FAT3: variants seen among roughly 807,000 people sequenced by gnomAD.
FAT3 encodes FAT atypical cadherin 3.
FAT3 carries 95 observed loss-of-function variants against 310.2 expected under a neutral mutation model. The ratio of observed to expected loss-of-function variants is 0.31; its 90% confidence interval spans 0.26 to 0.36. The LOEUF is 0.36. Among genes scored for constraint, FAT3 ranks in the 10% least tolerant of loss-of-function variants. The probability of loss-of-function intolerance (pLI) is 1.00; values close to 1 mark genes in which losing one functional copy is unlikely to be tolerated. For synonymous variants in FAT3, 2,314 were observed against 2,192.9 expected, an observed-to-expected ratio of 1.06 and a Z score of -1.54; for missense variants, 5,408 against 5,715.6, an observed-to-expected ratio of 0.95 and a Z score of 1.74.
intron 3 of FAT3, among the ~76,000 whole-genome samples, chr11:92,690,333 G>C (rs1256866587): frequency 6.6e-6 from 1 of 152,146 alleles, no homozygotes; most frequent in East Asian, 1.9e-4. Context: ...GCTTCTATTA[G>C]CATCTCAGAA....
chr11:92,501,199 C>T (rs1271947012), intron 2 of FAT3, among the ~76,000 whole-genome samples: 2 of 152,018 alleles, frequency 1.3e-5, no homozygotes, highest in Non-Finnish European at 2.9e-5. Context: ...ACTAGAAAGT[C>T]TTCAGCTGGG....
In FAT3 at chr11:92,799,632, A is replaced by C. The variant is rs1180301222; in HGVS notation, c.6619A>C (p.Ser2207Arg). ...EDIRMNTPIL[S>R]INATSPEGQG... ...CATCAGAATGAACACACCCATCCTAAGCATCAATGCCACCAGTCCAGAAGG... is the reference window on the plus strand; with the variant it reads ...CATCAGAATGAACACACCCATCCTACGCATCAATGCCACCAGTCCAGAAGG... Residue 2207 changes from serine (S) to arginine (R), a missense_variant, in exon 10 of 28, where the codon AGC becomes CGC. Ser to Arg is a moderately radical substitution (Grantham distance 110, BLOSUM62 -1). Around this residue, in one of 5 missense-constraint regions of FAT3, gnomAD observed 4,588 missense variants for 4,809.8 expected, o/e 0.95. Coordinates refer to ENST00000525166, the MANE Select transcript of FAT3 (RefSeq NM_001367949.2). 6.2e-7 allele frequency: 1 copy of C among 1,613,850 alleles called. No homozygotes were observed. Among genetic ancestry groups the C allele is most frequent in the Admixed American group, 1.7e-5 (1 of 59,998 alleles).
chr11:92,610,759 C>G (rs1053840961), intron 3 of FAT3, among the ~76,000 whole-genome samples: 1 of 152,184 alleles, frequency 6.6e-6, no homozygotes, highest in Admixed American at 6.5e-5. Flanking sequence ...TCCCCTCACT[C>G]CTACAAGCTT....
chr11:92,246,953 T>C (rs992973389), intron 1 of FAT3, among the ~76,000 whole-genome samples: 10 of 152,006 alleles, frequency 6.6e-5, no homozygotes, highest in South Asian at 4.2e-4. Flanking sequence ...GAGAAAGAAA[T>C]GAAACTAAGA....
chr11:92,774,072 G>T lies in FAT3; in HGVS notation c.4227G>T (p.Glu1409Asp). 1 of 1,613,560 alleles carries T rather than the reference G, an allele frequency of 6.2e-7. No homozygotes were observed. Among genetic ancestry groups the T allele is most frequent in the Middle Eastern group, 1.7e-4 (1 of 6,056 alleles). Residue 1409 changes from glutamate to aspartate, a missense_variant, in exon 7 of 28, where the codon GAG (glutamate) becomes GAT (aspartate). By Grantham distance (45) the Glu-to-Asp change is conservative. This residue lies in a region of FAT3 where 4,588 missense variants were observed against 4,809.8 expected (regional missense o/e 0.95). Transcript: ENST00000525166. The part of the protein sequence containing the change: ...GGNFDSAFDA[E>D]KGVGTIVIAK... ...ATTTTGACAGCGCTTTTGATGCAGA[G>T]AAGGGTGTTGGGACAATTGTCATCG...
chr11:92,633,541 C>A (rs1020451802), intron 3 of FAT3, among the ~76,000 whole-genome samples: 1 of 152,030 alleles, frequency 6.6e-6, no homozygotes, highest in African/African-American at 2.4e-5. Flanking sequence ...TTCTCTGTGT[C>A]CTCAAATTCA....
intron 1 of FAT3, among the ~76,000 whole-genome samples, chr11:92,283,722 C>T (rs1297627756): frequency 1.3e-5 from 2 of 152,064 alleles, no homozygotes; most frequent in African/African-American, 2.4e-5. Context: ...TTAAAGTGGC[C>T]CGTGCATAAA....
intron 4 of FAT3, among the ~76,000 whole-genome samples, chr11:92,741,686 A>C (rs1405612962): frequency 5.9e-5 from 9 of 152,252 alleles, no homozygotes; most frequent in Non-Finnish European, 7.4e-5. Context: ...CGTCTTGTGG[A>C]AGTAATTAAA....
intron 1 of FAT3, among the ~76,000 whole-genome samples, chr11:92,320,558 A>C (rs1947587908): frequency 6.6e-6 from 1 of 152,112 alleles, no homozygotes; most frequent in Non-Finnish European, 1.5e-5. Flanking sequence ...CATTGATGGT[A>C]ATTTATTATT....
intron 3 of FAT3, among the ~76,000 whole-genome samples, chr11:92,579,219 A>G (rs1349058965): frequency 6.6e-6 from 1 of 152,266 alleles, no homozygotes; most frequent in East Asian, 1.9e-4. Context: ...ATGATTCAAG[A>G]ATTAGGAAGC....
At chr11:92,571,846 A>G (rs1326367184) in intron 3 of FAT3, among the ~76,000 whole-genome samples, 4 of 151,938 alleles carry the variant, frequency 2.6e-5, no homozygotes, top group East Asian at 1.9e-4. Flanking sequence ...TTTACTCACT[A>G]TCCCGTTTTT....
At chr11:92,418,426 C>CA (rs1285150944) in intron 2 of FAT3, among the ~76,000 whole-genome samples, 20 of 42,028 alleles carry the variant, frequency 4.8e-4, no homozygotes, top group South Asian at 1.7e-3. Flanking sequence ...AACACCCCCC[C>CA]CACCCCCCCA....
chr11:92,875,888 G>T lies in FAT3; in HGVS notation c.12128-4843G>T, dbSNP rs112068459. Among the ~76,000 whole-genome samples, 702 of 152,278 alleles carry T rather than the reference G, an allele frequency of 4.6e-3. 4 individuals are homozygous for T. Among genetic ancestry groups the T allele is most frequent in the Middle Eastern group, 0.017 (5 of 294 alleles). ...TGTATAAGTAAAATTGTGCTCTAGA[G>T]GTAGTGTCTTATTTTAAATTCTGAT... On this transcript the variant is annotated intron_variant, in intron 22 of 27. Coordinates refer to ENST00000525166, the MANE Select transcript of FAT3 (RefSeq NM_001367949.2).
chr11:92,670,120 G>A (rs978090644), intron 3 of FAT3, among the ~76,000 whole-genome samples: 5 of 152,158 alleles, frequency 3.3e-5, no homozygotes, highest in Non-Finnish European at 7.4e-5. Context: ...TTTTATTAAT[G>A]CTCTAATTTT....
chr11:92,246,335 G>A (rs1182997245), intron 1 of FAT3, among the ~76,000 whole-genome samples: 2 of 152,112 alleles, frequency 1.3e-5, no homozygotes, highest in African/African-American at 2.4e-5. Context: ...AGCTTCAGAT[G>A]CATTGTCTCC....
At chr11:92,672,105 G>A (rs1943148236) in intron 3 of FAT3, among the ~76,000 whole-genome samples, 1 of 151,964 alleles carries the variant, frequency 6.6e-6, no homozygotes, top group South Asian at 2.1e-4. Context: ...GGCAACAAAA[G>A]CAAAACTCTG....
chr11:92,227,907 G>A (rs1179964593), intron 1 of FAT3, among the ~76,000 whole-genome samples: 1 of 138,872 alleles, frequency 7.2e-6, no homozygotes, highest in Non-Finnish European at 1.6e-5. Context: ...GGGTTGGAGT[G>A]GGGGAAGTTT....
At chr11:92,679,932 A>G (rs1414816112) in intron 3 of FAT3, among the ~76,000 whole-genome samples, 1 of 149,262 alleles carries the variant, frequency 6.7e-6, no homozygotes, top group African/African-American at 2.5e-5. Context: ...ATGTCTATTC[A>G]TGTCCTTTAC....
At chr11:92,287,783 G>A (rs1028617961) in intron 1 of FAT3, among the ~76,000 whole-genome samples, 1 of 152,084 alleles carries the variant, frequency 6.6e-6, no homozygotes. Flanking sequence ...AGTTCCATGA[G>A]AGAGCCAGTC....
Sources: allele counts gnomAD v4.1 joint callset (sites outside exome capture counted in the v4.1 genomes callset), GRCh38; gene constraint gnomAD v4.1.1; regional missense constraint gnomAD v4.1.1; transcripts MANE v1.5; gene names NCBI Gene and HGNC (gene_info 2026-07-23, HGNC 2026-07-21).